NPAS3: variants seen among roughly 807,000 people sequenced by gnomAD.
The protein encoded by NPAS3 is neuronal PAS domain protein 3, also known as neuronal PAS domain-containing protein 3.
In NPAS3, 14 loss-of-function variants were observed where a neutral mutation model predicts 73.1. The ratio of observed to expected loss-of-function variants is 0.19; its 90% CI spans 0.13 to 0.30. The LOEUF is 0.30. Among genes scored for constraint, NPAS3 ranks in the 10% least tolerant of loss-of-function variants. NPAS3 has a pLI of 1.00. For synonymous variants in NPAS3, 620 were observed against 541.5 expected (o/e 1.14, Z -2.01); for missense variants, 1,096 against 1,250.0 (o/e 0.88, Z 1.86).
chr14:33,538,957 CTTTAT>C (rs895788897), intron 4 of NPAS3, among the ~76,000 whole-genome samples: 1 of 152,036 alleles, frequency 6.6e-6, no homozygotes, highest in African/African-American at 2.4e-5. Context: ...GTGATTTTAT[CTTTAT>C]TTTATTTGCT....
At chr14:33,192,989 TTC>T (rs2046225363) in intron 2 of NPAS3, among the ~76,000 whole-genome samples, 11 of 152,210 alleles carry the variant, frequency 7.2e-5, no homozygotes, top group Admixed American at 7.2e-4. Flanking sequence ...AAAACATACA[TTC>T]TAAGTATAAT....
chr14:33,390,119 A>T (rs1035527777), intron 4 of NPAS3, among the ~76,000 whole-genome samples: 1 of 152,202 alleles, frequency 6.6e-6, no homozygotes, highest in African/African-American at 2.4e-5. Flanking sequence ...TGTGCTAAGG[A>T]TACTGGAAAG....
chr14:32,990,188 A>G (rs1288068102), intron 1 of NPAS3, among the ~76,000 whole-genome samples: 1 of 152,216 alleles, frequency 6.6e-6, no homozygotes, highest in Non-Finnish European at 1.5e-5. Flanking sequence ...AATGGCAGAA[A>G]CCCAGATATT....
intron 2 of NPAS3, among the ~76,000 whole-genome samples, chr14:33,066,083 C>T (rs1324692888): frequency 6.6e-6 from 1 of 152,114 alleles, no homozygotes; most frequent in African/African-American, 2.4e-5. Context: ...TCCTTGTTCA[C>T]TTCCAGGGGA....
chr14:33,659,292 G>C (rs796826907), intron 5 of NPAS3, among the ~76,000 whole-genome samples: 4 of 152,336 alleles, frequency 2.6e-5, no homozygotes, highest in African/African-American at 7.2e-5. Context: ...GGAAACGCCA[G>C]AGTAACTTGC....
intron 3 of NPAS3, among the ~76,000 whole-genome samples, chr14:33,261,490 C>G (rs1383525696): frequency 2.0e-5 from 3 of 152,002 alleles, no homozygotes; most frequent in Non-Finnish European, 4.4e-5. Context: ...GATAGTAACT[C>G]TTCAGAAAAA....
chr14:32,994,809 T>A (rs532094484), intron 1 of NPAS3, among the ~76,000 whole-genome samples: 43 of 152,262 alleles, frequency 2.8e-4, no homozygotes, highest in African/African-American at 1.0e-3. Context: ...TTTTTGTATT[T>A]TCAGTAGAGA....
At chr14:33,191,191 T>C (rs2046159277) in intron 2 of NPAS3, among the ~76,000 whole-genome samples, 1 of 152,188 alleles carries the variant, frequency 6.6e-6, no homozygotes, top group Non-Finnish European at 1.5e-5. Context: ...TTGCTGCCTT[T>C]AACCCGAAGG....
At chr14:33,448,867 G>A (rs1335637145) in intron 4 of NPAS3, among the ~76,000 whole-genome samples, 2 of 152,130 alleles carry the variant, frequency 1.3e-5, no homozygotes. Context: ...TGAGTGAGCA[G>A]GCCAAAATCT....
intron 2 of NPAS3, among the ~76,000 whole-genome samples, chr14:33,140,437 T>G (rs1212524033): frequency 2.0e-5 from 3 of 152,150 alleles, no homozygotes; most frequent in Non-Finnish European, 4.4e-5. Context: ...CATCAGCAGG[T>G]GACCATTGTG....
intron 1 of NPAS3, among the ~76,000 whole-genome samples, chr14:32,967,215 T>C (rs1196173423): frequency 6.6e-6 from 1 of 152,212 alleles, no homozygotes. Flanking sequence ...CCACTTCCAC[T>C]TAATGAATAG....
intron 3 of NPAS3, among the ~76,000 whole-genome samples, chr14:33,256,202 G>T (rs1303409368): frequency 6.6e-6 from 1 of 152,100 alleles, no homozygotes; most frequent in Admixed American, 6.5e-5. Context: ...ATAATAGTTT[G>T]TGTGTCACAT....
chr14:33,579,385 T>A (rs982817961), intron 5 of NPAS3, among the ~76,000 whole-genome samples: 1 of 152,214 alleles, frequency 6.6e-6, no homozygotes, highest in Admixed American at 6.5e-5. Flanking sequence ...GGATGGGCAG[T>A]TGAATGATCT....
At chr14:33,579,100 A>G (rs1451182243) in intron 5 of NPAS3, among the ~76,000 whole-genome samples, 1 of 152,194 alleles carries the variant, frequency 6.6e-6, no homozygotes. Flanking sequence ...AACAATCCTA[A>G]TGAGGTAGAT....
chr14:33,290,258 G>A (rs902708981), intron 3 of NPAS3, among the ~76,000 whole-genome samples: 1 of 152,100 alleles, frequency 6.6e-6, no homozygotes, highest in Non-Finnish European at 1.5e-5. Flanking sequence ...ATAGACACTA[G>A]AGATATGAGC....
At chr14:33,209,064 G>T (rs1014373558) in intron 2 of NPAS3, among the ~76,000 whole-genome samples, 1 of 152,182 alleles carries the variant, frequency 6.6e-6, no homozygotes. Context: ...CCTTGAACTT[G>T]AAGGTTCCAG....
At chr14:32,979,045 A>C (rs1278426544) in intron 1 of NPAS3, among the ~76,000 whole-genome samples, 1 of 152,298 alleles carries the variant, frequency 6.6e-6, no homozygotes, top group East Asian at 1.9e-4. Flanking sequence ...TGTGAGCCTC[A>C]GTTTTCCTTA....
At chr14:33,576,565 C>T (rs901776083) in intron 5 of NPAS3, among the ~76,000 whole-genome samples, 1 of 152,092 alleles carries the variant, frequency 6.6e-6, no homozygotes, top group Non-Finnish European at 1.5e-5. Flanking sequence ...TGTGAAATAA[C>T]TTGGTTCTGT....
chr14:32,944,199 G>T (rs1053029358), intron 1 of NPAS3, among the ~76,000 whole-genome samples: 1 of 152,116 alleles, frequency 6.6e-6, no homozygotes. Context: ...GAAAGCAGAG[G>T]TAGCTCCTGC....
Sources: allele counts gnomAD v4.1 joint callset (sites outside exome capture counted in the v4.1 genomes callset), GRCh38; gene constraint gnomAD v4.1.1; transcripts MANE v1.5; gene names NCBI Gene and HGNC (gene_info 2026-07-23, HGNC 2026-07-21).